Variants in TAOK3 observed in about 807,000 individuals in gnomAD.
TAOK3 encodes the protein TAO kinase 3, also known as serine/threonine-protein kinase TAO3.
A neutral mutation model predicts 120.4 loss-of-function variants in TAOK3; 40 were observed. That is an observed-to-expected ratio of 0.33 (90% confidence interval 0.26 to 0.43). The LOEUF (loss-of-function observed/expected upper bound fraction) is 0.43, where lower values mean the gene tolerates loss of function less well. Ranked by LOEUF, TAOK3 falls within the 20% of genes least tolerant of loss-of-function variation. The probability of loss-of-function intolerance (pLI) is 1.00; values close to 1 mark genes in which losing one functional copy is unlikely to be tolerated. For missense variants in TAOK3, 821 were observed against 1,112.1 expected (o/e 0.74, Z 3.72); for synonymous variants, 355 against 387.5 (o/e 0.92, Z 0.99).
At chr12:118,170,645 C>T (rs2035943203) in intron 17 of TAOK3, among the ~76,000 whole-genome samples, 2 of 152,128 alleles carry the variant, frequency 1.3e-5, no homozygotes, top group Non-Finnish European at 2.9e-5. Context: ...TGCCCGTAAT[C>T]CCAGCTACCT....
intron 1 of TAOK3, among the ~76,000 whole-genome samples, chr12:118,368,349 A>T (rs980603149): frequency 2.0e-4 from 30 of 151,944 alleles, no homozygotes; most frequent in African/African-American, 7.0e-4. Context: ...GGCGCCTGCC[A>T]CCACGCCCCG....
chr12:118,322,718 CTTTTTTT>C (rs199608892), intron 1 of TAOK3, among the ~76,000 whole-genome samples: 20 of 93,828 alleles, frequency 2.1e-4, no homozygotes, highest in African/African-American at 7.1e-4. Context: ...ATTTAAAAAC[CTTTTTTT>C]TTTTTTTTTT....
intron 5 of TAOK3, among the ~76,000 whole-genome samples, chr12:118,242,970 G>A (rs2040320652): frequency 6.6e-6 from 1 of 151,836 alleles, no homozygotes; most frequent in Admixed American, 6.6e-5. Flanking sequence ...TAAGATGACA[G>A]AGTGGAACAA....
intron 1 of TAOK3, among the ~76,000 whole-genome samples, chr12:118,284,870 C>T (rs1223620163): frequency 6.6e-6 from 1 of 151,944 alleles, no homozygotes; most frequent in African/African-American, 2.4e-5. Flanking sequence ...TAGGCATTCA[C>T]CTATTAAATA....
intron 1 of TAOK3, among the ~76,000 whole-genome samples, chr12:118,330,881 G>C (rs543409799): frequency 1.3e-5 from 2 of 152,044 alleles, no homozygotes. Flanking sequence ...TCATAAGTCT[G>C]AAACTGCCAT....
chr12:118,338,338 G>A (rs1040619353), intron 1 of TAOK3, among the ~76,000 whole-genome samples: 7 of 152,154 alleles, frequency 4.6e-5, no homozygotes. Context: ...GACAGCGACT[G>A]TTTTAATAAC....
At chr12:118,235,763 T>C (rs1449303629) in intron 7 of TAOK3, 92 bp from the exon 8 acceptor site, 3 of 791,188 alleles carry the variant, frequency 3.8e-6, no homozygotes, top group South Asian at 1.8e-5. Flanking sequence ...AAAAAGTTTA[T>C]TTAAACGAAC....
chr12:118,342,957 A>AAAG (rs1555257895), intron 1 of TAOK3, among the ~76,000 whole-genome samples: 44 of 120,418 alleles, frequency 3.7e-4, no homozygotes, highest in African/African-American at 1.0e-3. Context: ...AAAAAAAAAA[A>AAAG]AGAGAGAGAG....
At chr12:118,343,426 CAAA>C (rs368283127) in intron 1 of TAOK3, among the ~76,000 whole-genome samples, 21 of 78,578 alleles carry the variant, frequency 2.7e-4, no homozygotes, top group Admixed American at 2.9e-4. Context: ...GTCCCTGTCT[CAAA>C]AAAAAAAAAA....
At chr12:118,162,328 G>GT (rs1418495699) in intron 17 of TAOK3, among the ~76,000 whole-genome samples, 9 of 152,122 alleles carry the variant, frequency 5.9e-5, no homozygotes, top group African/African-American at 2.2e-4. Context: ...GTGAACCTTA[G>GT]TTAGGTGATG....
chr12:118,161,342 T>C lies in TAOK3; in HGVS notation c.2139+446A>G, dbSNP rs1297712582. Among the ~76,000 whole-genome samples, 3 of 152,214 alleles carry C rather than the reference T, an allele frequency of 2.0e-5. No homozygotes were observed. The highest frequency in any genetic ancestry group is 4.4e-5 in the Non-Finnish European group (3 of 68,048). On this transcript the variant is annotated intron_variant, in intron 18 of 20. Coordinates refer to ENST00000392533, the MANE Select transcript of TAOK3 (RefSeq NM_016281.4). This position sits in a 1 kb window ranked among gnomAD's most constrained non-coding sequence, Gnocchi z 4.5. ...TAAATGCCTGGCACTTATAGATTCA[T>C]TCCTGATGACCATGACAGACATCAC...
intron 9 of TAOK3, among the ~76,000 whole-genome samples, chr12:118,217,473 G>A (rs1375661389): frequency 6.6e-6 from 1 of 151,944 alleles, no homozygotes; most frequent in East Asian, 1.9e-4. Context: ...ATCACCTGAG[G>A]TCAGGAGTTC....
intron 9 of TAOK3, 116 bp downstream of exon 9, chr12:118,233,558 A>G: frequency 1.3e-6 from 1 of 797,998 alleles, no homozygotes; most frequent in East Asian, 2.7e-5. Context: ...GTAACTCATT[A>G]AGTAATAGCC....
chr12:118,212,268 A>T (rs1168137053), intron 11 of TAOK3, among the ~76,000 whole-genome samples: 1 of 152,240 alleles, frequency 6.6e-6, no homozygotes, highest in Non-Finnish European at 1.5e-5. Context: ...AATTTGGACT[A>T]TTGTGCGCCA....
intron 1 of TAOK3, among the ~76,000 whole-genome samples, chr12:118,366,090 C>A (rs559505928): frequency 1.3e-5 from 2 of 151,922 alleles, no homozygotes; most frequent in Non-Finnish European, 2.9e-5. Context: ...ATGGCGAAAC[C>A]CCGTCTCTAC....
At chr12:118,252,174 G>C (rs2040784841) in intron 3 of TAOK3, among the ~76,000 whole-genome samples, 1 of 152,176 alleles carries the variant, frequency 6.6e-6, no homozygotes, top group Non-Finnish European at 1.5e-5. Context: ...TGCCAGGAGA[G>C]ATTCTGAGAA....
chr12:118,263,324 C>T (rs2041311643), intron 2 of TAOK3, among the ~76,000 whole-genome samples: 1 of 152,138 alleles, frequency 6.6e-6, no homozygotes, highest in South Asian at 2.1e-4. Flanking sequence ...ATACTAACAA[C>T]CTGTGTAAAA....
intron 16 of TAOK3, among the ~76,000 whole-genome samples, chr12:118,174,981 G>A (rs769819683): frequency 6.6e-6 from 1 of 152,036 alleles, no homozygotes; most frequent in Non-Finnish European, 1.5e-5. Flanking sequence ...ATTTAGAGTG[G>A]AGAAAAACCT....
At chr12:118,196,179 T>C (rs1300949408) in intron 13 of TAOK3, among the ~76,000 whole-genome samples, 1 of 152,052 alleles carries the variant, frequency 6.6e-6, no homozygotes, top group Admixed American at 6.6e-5. Flanking sequence ...AACCTGGAAT[T>C]CTGATGTCAA....
Sources: allele counts gnomAD v4.1 joint callset (sites outside exome capture counted in the v4.1 genomes callset), GRCh38; gene constraint gnomAD v4.1.1; non-coding constraint Gnocchi (gnomAD v3.1); transcripts MANE v1.5; gene names NCBI Gene and HGNC (gene_info 2026-07-23, HGNC 2026-07-21).